The following APBA2 variants were observed in gnomAD, a reference collection of about 807,000 sequenced individuals.
The protein encoded by APBA2 is amyloid beta precursor protein binding family A member 2.
Under a neutral mutation model 75.0 loss-of-function variants are expected in APBA2, and 30 were observed. The ratio of observed to expected loss-of-function variants is 0.40; its 90% CI spans 0.30 to 0.54. The LOEUF is 0.54. APBA2 is among the 20% of genes least tolerant of loss of function. The pLI is 0.49. For synonymous variants in APBA2, 444 were observed against 409.6 expected (o/e 1.08, Z -1.01); for missense variants, 801 against 1,016.1 (o/e 0.79, Z 2.88).
At chr15:28,907,305 C>T (rs556853091) in intron 1 of APBA2, among the ~76,000 whole-genome samples, 1 of 152,300 alleles carries the variant, frequency 6.6e-6, no homozygotes, top group East Asian at 1.9e-4. Flanking sequence ...GAGTGTTTCT[C>T]CTGTGTTTCT....
intron 2 of APBA2, among the ~76,000 whole-genome samples, chr15:28,941,030 G>A (rs1280966536): frequency 6.6e-6 from 1 of 152,130 alleles, no homozygotes; most frequent in Non-Finnish European, 1.5e-5. Context: ...TTAAGTCCAT[G>A]AGTTTTTTTA....
chr15:29,117,782 ACT>A lies in APBA2; in HGVS notation c.*652_*653del, dbSNP rs1397400257. ...TTTATTTTGGCAGGCTTTTTTCCAG[ACT>A]CTAGGGTTTTCCAATGTGACTAATG... On this transcript the variant is annotated 3_prime_UTR_variant, in exon 15 of 15. Transcript: ENST00000683413. The A allele has an allele frequency of 6.6e-6, 1 of 151,756 alleles. No individual in the cohort carries two copies. The highest frequency in any genetic ancestry group is 1.5e-5 in the Non-Finnish European group (1 of 68,150). 9.4% of individuals were successfully genotyped at this position (151,756 alleles called of 1,614,324 possible). A position where few individuals can be genotyped will look rare whatever the true frequency, so the allele number is the denominator to read the frequency against.
intron 2 of APBA2, chr15:28,990,518 A>G (rs1405013080): frequency 6.6e-6 from 1 of 152,204 alleles, no homozygotes; most frequent in Non-Finnish European, 1.5e-5. Flanking sequence ...AGTCAGATAT[A>G]TTGAACATTT....
intron 5 of APBA2, 129 bp downstream of exon 5, chr15:29,075,130 G>T (rs2042794656): frequency 1.3e-6 from 1 of 782,100 alleles, no homozygotes; most frequent in African/African-American, 1.7e-5. Context: ...GGGAGAGGGA[G>T]TCCAGGTCAG....
At chr15:29,026,803 C>G (rs2040244783) in intron 3 of APBA2, among the ~76,000 whole-genome samples, 1 of 152,090 alleles carries the variant, frequency 6.6e-6, no homozygotes, top group South Asian at 2.1e-4. Context: ...CGCCCATACT[C>G]CCAGCTACTC....
At chr15:29,109,062 G>A (rs1343501319) in intron 13 of APBA2, among the ~76,000 whole-genome samples, 1 of 152,212 alleles carries the variant, frequency 6.6e-6, no homozygotes, top group Non-Finnish European at 1.5e-5. Flanking sequence ...GCCACTAAGT[G>A]GAGTAAAGAA....
intron 1 of APBA2, among the ~76,000 whole-genome samples, chr15:28,916,362 C>G (rs2033691754): frequency 6.6e-6 from 1 of 152,196 alleles, no homozygotes; most frequent in Non-Finnish European, 1.5e-5. Context: ...CGACATCTCC[C>G]CAGCTAGAAG....
intron 4 of APBA2, among the ~76,000 whole-genome samples, chr15:29,068,108 G>A (rs1456606665): frequency 6.6e-6 from 1 of 152,172 alleles, no homozygotes. Context: ...ATGTGTGCAG[G>A]GCTCGAGGCC....
At chr15:28,965,148 G>T (rs2036674464) in intron 2 of APBA2, among the ~76,000 whole-genome samples, 1 of 151,862 alleles carries the variant, frequency 6.6e-6, no homozygotes, top group Non-Finnish European at 1.5e-5. Flanking sequence ...TTTGTATAAG[G>T]TATGAAATTT....
At chr15:28,927,220 C>T (rs1444188471) in intron 2 of APBA2, among the ~76,000 whole-genome samples, 2 of 152,020 alleles carry the variant, frequency 1.3e-5, no homozygotes, top group Non-Finnish European at 1.5e-5. Context: ...CTTATCTTTA[C>T]CCCTCTATAG....
At chr15:29,075,044 T>C in intron 5 of APBA2, 43 bp downstream of exon 5, 1 of 1,416,004 alleles carries the variant, frequency 7.1e-7, no homozygotes, top group Non-Finnish European at 9.9e-7. Context: ...GGAACACTCA[T>C]CTAATGATGG....
intron 2 of APBA2, among the ~76,000 whole-genome samples, chr15:28,947,073 G>A (rs2152715087): frequency 6.6e-6 from 1 of 152,346 alleles, no homozygotes; most frequent in East Asian, 1.9e-4. Context: ...CAAGTCCTAT[G>A]TCATCGTCCC....
At chr15:29,028,197 C>T (rs2040321549) in intron 3 of APBA2, among the ~76,000 whole-genome samples, 2 of 152,060 alleles carry the variant, frequency 1.3e-5, no homozygotes, top group African/African-American at 4.8e-5. Flanking sequence ...GTTCCCCTCC[C>T]TGTGTCCATG....
intron 3 of APBA2, among the ~76,000 whole-genome samples, chr15:29,050,313 T>C (rs537104315): frequency 2.6e-5 from 4 of 152,380 alleles, no homozygotes; most frequent in African/African-American, 9.6e-5. Context: ...AGAGCCATTT[T>C]ATAGATACAA....
chr15:29,029,732 G>A (rs574176732), intron 3 of APBA2, among the ~76,000 whole-genome samples: 1 of 152,164 alleles, frequency 6.6e-6, no homozygotes, highest in African/African-American at 2.4e-5. Context: ...GCTTGTTAGG[G>A]AAGGTGTGGT....
intron 3 of APBA2, among the ~76,000 whole-genome samples, chr15:29,010,270 G>GT (rs781146890): frequency 2.0e-5 from 3 of 151,670 alleles, no homozygotes; most frequent in Middle Eastern, 3.4e-3. Context: ...TTCTTTTTTT[G>GT]TTTTATGAGA....
chr15:29,115,559 G>T (rs2045045820), intron 14 of APBA2, among the ~76,000 whole-genome samples: 1 of 152,202 alleles, frequency 6.6e-6, no homozygotes, highest in Non-Finnish European at 1.5e-5. Flanking sequence ...GCGGGCGGGA[G>T]AACGGGGAAG....
At chr15:28,936,754 G>A (rs1000551488) in intron 2 of APBA2, among the ~76,000 whole-genome samples, 5 of 152,186 alleles carry the variant, frequency 3.3e-5, no homozygotes, top group Admixed American at 2.6e-4. Context: ...AAAGTTAAAG[G>A]GAAGCACAGT....
intron 14 of APBA2, among the ~76,000 whole-genome samples, chr15:29,114,991 T>G: frequency 6.7e-6 from 1 of 148,298 alleles, no homozygotes; most frequent in South Asian, 2.2e-4. Context: ...GTGAGGAGAG[T>G]GTGAGTGGGT....
Sources: allele counts gnomAD v4.1 joint callset (sites outside exome capture counted in the v4.1 genomes callset), GRCh38; gene constraint gnomAD v4.1.1; transcripts MANE v1.5; gene names NCBI Gene and HGNC (gene_info 2026-07-23, HGNC 2026-07-21).